Variants in FUS observed in about 807,000 individuals in gnomAD.
FUS encodes the protein RNA-binding protein FUS.
FUS carries 5 observed loss-of-function variants against 82.7 expected under a neutral mutation model. The observed-to-expected ratio is 0.06, with a 90% CI of 0.03 to 0.13. The LOEUF (loss-of-function observed/expected upper bound fraction) is 0.13. FUS is among the 10% of genes least tolerant of loss of function. The probability of loss-of-function intolerance (pLI) is 1.00; values close to 1 mark genes in which losing one functional copy is unlikely to be tolerated. For missense variants in FUS, 512 were observed against 707.8 expected (o/e 0.72, Z 3.14); for synonymous variants, 281 against 247.4 (o/e 1.14, Z -1.27).
rs372049470 is a variant in FUS, at chr16:31,185,342, T to C, written c.764+163T>C. The C allele has an allele frequency of 2.7e-5, 23 of 844,758 alleles. 1 individual carries two copies. Among genetic ancestry groups the C allele is most frequent in the East Asian group, 1.3e-4 (5 of 37,476 alleles). The allele number at this position is 844,758 out of a possible 1,614,324, so 52.3% of individuals were successfully genotyped here. A position where few individuals can be genotyped will look rare whatever the true frequency, so the allele number is the denominator to read the frequency against. On this transcript the variant is annotated intron_variant, in intron 6 of 14. Transcript: ENST00000254108. ...GTGACTTTCTTTTTACATCCCCATT[T>C]TATTTTTGTGAGAACTTGGGAGCCT...
At chr16:31,184,116 G>A in intron 4 of FUS, 93 bp from the exon 5 acceptor site, 1 of 1,613,150 alleles carries the variant, frequency 6.2e-7, no homozygotes, top group Non-Finnish European at 8.5e-7. Flanking sequence ...AGGGGAGCCT[G>A]TGTTGGGTAC....
Position 31,190,791 on chromosome 16 carries a change from A to G in FUS, c.1342A>G (p.Lys448Glu). The G allele has an allele frequency of 6.2e-7, 1 of 1,614,226 alleles. No individual in the cohort carries two copies. Among genetic ancestry groups the G allele is most frequent in the Non-Finnish European group, 8.5e-7 (1 of 1,180,040 alleles). Residue 448 changes from lysine to glutamate, a missense_variant, in exon 13 of 15, where the codon AAG becomes GAG. Coordinates refer to ENST00000254108, the MANE Select transcript of FUS (RefSeq NM_004960.4). ...FSWRNECNQC[K>E]APKPDGPGGG... ...TTGGAGGAATGAATGCAACCAGTGT[A>G]AGGCCCCTAAACCAGATGGCCCAGG...
Position 31,184,954 on chromosome 16 carries a change from A to G in FUS, c.539A>G (p.Asp180Gly), listed in dbSNP as rs2079242100. ...TTTCTCACAGGTAACTATGGCCAAG[A>G]TCAATCCTCCATGAGTAGTGGTGGT... is the stretch of plus-strand genomic sequence containing the variant. ...GGGGGGNYGQ[D>G]QSSMSSGGGS... Residue 180 changes from aspartate to glycine, a missense_variant, in exon 6 of 15, where the codon GAT becomes GGT. Physicochemically the swap from Asp to Gly is moderately conservative, Grantham distance 94. Around this residue, in one of 6 missense-constraint regions of FUS, gnomAD observed 276 missense variants for 303.3 expected, o/e 0.91. Transcript: ENST00000254108. The G allele has an allele frequency of 1.2e-6, 2 of 1,613,452 alleles. No individual in the cohort carries two copies. The highest frequency in any genetic ancestry group is 2.7e-5 in the African/African-American group (2 of 74,780).
At chr16:31,185,530 A>G (rs930882568) in intron 6 of FUS, 2 of 565,964 alleles carry the variant, frequency 3.5e-6, no homozygotes, top group Non-Finnish European at 6.7e-6. Flanking sequence ...CGATGATCCC[A>G]CTCCTGGGAA....
chr16:31,188,826 T>A, intron 8 of FUS: 1 of 490,738 alleles, frequency 2.0e-6, no homozygotes, highest in Middle Eastern at 5.5e-4. Flanking sequence ...CAACTGAAAG[T>A]TGATAAATAC....
downstream of FUS, chr16:31,194,007 T>C (rs530513740): frequency 1.9e-6 from 1 of 533,064 alleles, no homozygotes; most frequent in East Asian, 3.9e-5. Flanking sequence ...TGTCCCATTT[T>C]TGTGAGTTGG....
chr16:31,182,487 A>G (rs1567469478), intron 2 of FUS, 26 bp from the exon 3 acceptor site: 1 of 1,614,100 alleles, frequency 6.2e-7, no homozygotes, highest in Non-Finnish European at 8.5e-7. Context: ...ATGTTTTCTG[A>G]TCACGCTGGT....
intron 7 of FUS, chr16:31,187,654 G>C (rs2079289936): frequency 4.3e-6 from 1 of 232,682 alleles, no homozygotes; most frequent in Non-Finnish European, 8.5e-6. Context: ...TTGCGTGTGG[G>C]TACAATATTT....
chr16:31,185,947 C>CT (rs1394456559), intron 6 of FUS: 3 of 238,926 alleles, frequency 1.3e-5, no homozygotes, highest in African/African-American at 6.6e-5. Flanking sequence ...GGACCCTACT[C>CT]TGTCTCCCTT....
At chr16:31,193,400 C>G (rs917660132), downstream of FUS, 1 of 526,644 alleles carries the variant, frequency 1.9e-6, no homozygotes, top group Non-Finnish European at 3.7e-6. Flanking sequence ...CTGCTGGTTT[C>G]TTTGTTAAAT....
At chr16:31,180,273 C>T (rs769657701) in intron 1 of FUS, 46 bp downstream of exon 1, 21 of 1,586,846 alleles carry the variant, frequency 1.3e-5, no homozygotes, top group South Asian at 5.7e-5. Context: ...CCGGCCGAGG[C>T]CTCCCAGCTG....
downstream of FUS, chr16:31,194,138 G>C: frequency 1.9e-6 from 1 of 531,836 alleles, no homozygotes; most frequent in South Asian, 1.5e-5. Flanking sequence ...ATCTTGTGCC[G>C]GGCCTTCCTG....
In FUS at chr16:31,186,825, A is replaced by G. The variant is rs144917373; in HGVS notation, c.788A>G (p.Asn263Ser). Residue 263 changes from asparagine to serine, a missense_variant, in exon 7 of 15, where the codon AAT (asparagine) becomes AGT (serine). This residue lies in a region of FUS where 51 missense variants were observed against 72.2 expected (regional missense o/e 0.71). Transcript: ENST00000254108. ...AGCGGAAGTGACCGTGGTGGCTTCA[A>G]TAAATTTGGTGGTAAGTGAACAGAG... ...GMGGSDRGGF[N>S]KFGGPRDQGS... 37 of 1,614,018 alleles carry G rather than the reference A, an allele frequency of 2.3e-5. 1 individual carries two copies. Among genetic ancestry groups the G allele is most frequent in the South Asian group, 1.1e-4 (10 of 91,092 alleles).
chr16:31,183,798 A>G, intron 3 of FUS, 60 bp from the exon 4 acceptor site: 11 of 1,604,990 alleles, frequency 6.9e-6, no homozygotes, highest in Non-Finnish European at 8.5e-6. Flanking sequence ...TCTTTAACCC[A>G]TTCCTTACAT....
chr16:31,184,908 T>G, intron 5 of FUS, 31 bp from the exon 6 acceptor site: 4 of 1,610,238 alleles, frequency 2.5e-6, no homozygotes, highest in Non-Finnish European at 8.5e-7. Flanking sequence ...TTTTTGTTTT[T>G]TTTTTTTAAT....
In FUS at chr16:31,191,491, AC is replaced by A; in HGVS notation, c.*56del. The stretch of plus-strand genomic sequence containing the variant: ...AGCTTTTTGTCCTGTACCCAGTGTT[AC>A]CCTCGTTATTTTGTAACCTTCCAAT... On this transcript the variant is annotated 3_prime_UTR_variant, in exon 15 of 15. Coordinates refer to ENST00000254108, the MANE Select transcript of FUS (RefSeq NM_004960.4). 3 of 1,588,794 alleles carry A rather than the reference AC, an allele frequency of 1.9e-6. No individual in the cohort carries two copies. Among genetic ancestry groups the A allele is most frequent in the Non-Finnish European group, 2.6e-6 (3 of 1,159,188 alleles).
intron 9 of FUS, 117 bp downstream of exon 9, chr16:31,189,343 T>C (rs1356660880): frequency 1.1e-6 from 1 of 882,268 alleles, no homozygotes; most frequent in Non-Finnish European, 1.9e-6. Context: ...TTAGTGGTTG[T>C]TGCCAGCTTA....
chr16:31,181,478 C>T (rs374769213), intron 1 of FUS, among the ~76,000 whole-genome samples: 2 of 152,168 alleles, frequency 1.3e-5, no homozygotes, highest in East Asian at 1.9e-4. Context: ...TGTTGACTTT[C>T]GCCTCCTAAG....
downstream of FUS, chr16:31,192,582 A>G (rs1249975712): frequency 4.2e-6 from 2 of 480,388 alleles, no homozygotes; most frequent in Admixed American, 4.7e-5. Context: ...ATTTTTAGAG[A>G]CAGAGTCTTG....
Sources: gnomAD v4.1 joint callset for allele counts (sites outside exome capture counted in the v4.1 genomes callset) on GRCh38, gnomAD v4.1.1 for gene constraint, gnomAD v4.1.1 regional missense constraint, MANE v1.5 for transcripts, NCBI Gene and HGNC (gene_info 2026-07-23, HGNC 2026-07-21) for gene names.